Variants in NKAIN2 observed in about 807,000 individuals in gnomAD.
NKAIN2 encodes the protein sodium/potassium transporting ATPase interacting 2, also known as sodium/potassium-transporting ATPase subunit beta-1-interacting protein 2.
In NKAIN2, 14 loss-of-function variants were observed where a neutral mutation model predicts 32.6. The ratio of observed to expected loss-of-function variants is 0.43; its 90% CI spans 0.28 to 0.67. NKAIN2 has a LOEUF of 0.67. Among genes scored for constraint, NKAIN2 ranks in the 30% least tolerant of loss-of-function variants. The pLI is 0.17. For missense variants in NKAIN2, 198 were observed against 258.3 expected, an observed-to-expected ratio of 0.77 and a Z score of 1.60; for synonymous variants, 80 against 87.2, an observed-to-expected ratio of 0.92 and a Z score of 0.46.
intron 1 of NKAIN2, among the ~76,000 whole-genome samples, chr6:123,971,539 A>G (rs1382127615): frequency 1.3e-5 from 2 of 152,098 alleles, no homozygotes; most frequent in African/African-American, 2.4e-5. Flanking sequence ...ACTTTGTGTC[A>G]GTTTGGATGG....
intron 1 of NKAIN2, among the ~76,000 whole-genome samples, chr6:123,926,280 C>T (rs1441167666): frequency 6.6e-6 from 1 of 152,218 alleles, no homozygotes; most frequent in Non-Finnish European, 1.5e-5. Context: ...GAATCACCAG[C>T]TCCAAGTCTT....
chr6:124,572,392 G>A lies in NKAIN2; in HGVS notation c.274-85794G>A, dbSNP rs528598287. ...ATCATACTAAATGTACTAAATTATCGTGAGAAGAAATATAATGAACCATAA... is the reference window on the plus strand; with the variant it reads ...ATCATACTAAATGTACTAAATTATCATGAGAAGAAATATAATGAACCATAA... On this transcript the variant is annotated intron_variant, in intron 3 of 6. Coordinates refer to ENST00000368417, the MANE Select transcript of NKAIN2 (RefSeq NM_001040214.3). Among the ~76,000 whole-genome samples, 22 of 152,252 alleles carry A rather than the reference G, an allele frequency of 1.4e-4. No individual in the cohort carries two copies. In the South Asian group the frequency reaches 2.5e-3, roughly 17 times the overall value.
At chr6:124,718,706 C>T (rs1163078779) in intron 4 of NKAIN2, among the ~76,000 whole-genome samples, 1 of 152,172 alleles carries the variant, frequency 6.6e-6, no homozygotes, top group Non-Finnish European at 1.5e-5. Context: ...CTTAACTTCT[C>T]TGAGCCTCGG....
intron 1 of NKAIN2, among the ~76,000 whole-genome samples, chr6:123,926,123 C>T (rs1215059623): frequency 6.6e-6 from 1 of 152,140 alleles, no homozygotes; most frequent in Non-Finnish European, 1.5e-5. Context: ...TCTCAGAAGC[C>T]AACAGCCTAA....
chr6:123,865,485 T>C (rs1775945988), intron 1 of NKAIN2, among the ~76,000 whole-genome samples: 1 of 152,152 alleles, frequency 6.6e-6, no homozygotes, highest in African/African-American at 2.4e-5. Context: ...TTATTTCTCA[T>C]AATCCTCCTT....
chr6:124,652,894 G>A (rs1487378664), intron 3 of NKAIN2, among the ~76,000 whole-genome samples: 2 of 152,148 alleles, frequency 1.3e-5, no homozygotes, highest in Admixed American at 6.6e-5. Flanking sequence ...CAACACTATT[G>A]CTTTGGGGGA....
intron 3 of NKAIN2, among the ~76,000 whole-genome samples, chr6:124,494,144 G>C (rs1336767): frequency 6.6e-6 from 1 of 151,938 alleles, no homozygotes; most frequent in East Asian, 1.9e-4. Context: ...AAAATGAATC[G>C]TATTGCATGG....
chr6:124,319,723 A>G (rs1245761946), intron 2 of NKAIN2, among the ~76,000 whole-genome samples: 2 of 152,092 alleles, frequency 1.3e-5, no homozygotes, highest in South Asian at 2.1e-4. Flanking sequence ...CTTTAATTTC[A>G]TTGAATTTGT....
chr6:124,663,303 C>T (rs1466959707), intron 4 of NKAIN2, among the ~76,000 whole-genome samples: 1 of 151,894 alleles, frequency 6.6e-6, no homozygotes, highest in East Asian at 1.9e-4. Context: ...TGGTGGTGCA[C>T]ACCTGTAATC....
chr6:124,216,404 G>A (rs891852660), intron 1 of NKAIN2, among the ~76,000 whole-genome samples: 2 of 152,044 alleles, frequency 1.3e-5, no homozygotes, highest in East Asian at 1.9e-4. Context: ...CAATATTCAC[G>A]GCACTTTTGC....
Position 124,422,768 on chromosome 6 carries a change from G to A in NKAIN2, c.273+67421G>A, listed in dbSNP as rs556570031. Among the ~76,000 whole-genome samples the A allele has an allele frequency of 5.9e-5, 9 of 152,320 alleles. No homozygotes were observed. In the South Asian group the frequency reaches 1.7e-3, roughly 28 times the overall value. On this transcript the variant is annotated intron_variant, in intron 3 of 6. Transcript: ENST00000368417. ...GGTTAGAATTGCATTGAGCCAAGAT[G>A]CAGCAGTGCTGTGCTGAAGTTGTTT...
intron 3 of NKAIN2, among the ~76,000 whole-genome samples, chr6:124,394,013 A>G (rs1773253661): frequency 6.6e-6 from 1 of 152,182 alleles, no homozygotes; most frequent in Non-Finnish European, 1.5e-5. Flanking sequence ...TTTAAAGTCT[A>G]TGATGTCACC....
chr6:124,508,055 C>T (rs1234797696), intron 3 of NKAIN2, among the ~76,000 whole-genome samples: 1 of 149,954 alleles, frequency 6.7e-6, no homozygotes, highest in African/African-American at 2.5e-5. Flanking sequence ...GAGTTTGAGA[C>T]CAGCCTGGGC....
chr6:123,821,226 C>A (rs1381527006), intron 1 of NKAIN2, among the ~76,000 whole-genome samples: 1 of 152,176 alleles, frequency 6.6e-6, no homozygotes, highest in Non-Finnish European at 1.5e-5. Context: ...ATATTTACAT[C>A]ATTTTTCTTG....
At chr6:124,794,555 GAC>G (rs1334045450) in intron 5 of NKAIN2, among the ~76,000 whole-genome samples, 1 of 152,120 alleles carries the variant, frequency 6.6e-6, no homozygotes, top group African/African-American at 2.4e-5. Context: ...ACTTCTCAAA[GAC>G]ACGTTTTATC....
At chr6:124,760,752 G>A (rs1369620475) in intron 4 of NKAIN2, among the ~76,000 whole-genome samples, 1 of 152,050 alleles carries the variant, frequency 6.6e-6, no homozygotes, top group African/African-American at 2.4e-5. Context: ...GCTGTTTGAG[G>A]CTGTCTGTCC....
At position 124,540,087 on chromosome 6, in the gene NKAIN2, G is replaced by A. The variant is rs577835491; in HGVS notation, c.274-118099G>A. Among the ~76,000 whole-genome samples, 5 of 152,320 alleles carry A rather than the reference G, an allele frequency of 3.3e-5. No individual in the cohort carries two copies. The South Asian group carries it at 1.0e-3, about 32-fold the overall frequency. On this transcript the variant is annotated intron_variant, in intron 3 of 6. Coordinates refer to ENST00000368417, the MANE Select transcript of NKAIN2 (RefSeq NM_001040214.3). ...TTAAATATGCTTAGTGTCTTCTGTA[G>A]CAGAAAGGATGTGGATTTTACATTT...
At position 124,427,102 on chromosome 6, in the gene NKAIN2, TAA is replaced by T. The variant is rs940516547; in HGVS notation, c.273+71758_273+71759del. On this transcript the variant is annotated intron_variant, in intron 3 of 6. Transcript: ENST00000368417. Reference sequence around the variant, plus strand: ...CATTTTGGAAAGCAATTCATTTCTTTAAAAGTTAAATATGCACTTATGTTATA... The same window carrying T: ...CATTTTGGAAAGCAATTCATTTCTTTAAGTTAAATATGCACTTATGTTATA... 8.5e-5 allele frequency among the ~76,000 whole-genome samples: 13 copies of T among 152,334 alleles called. No homozygotes were observed. In the South Asian group the frequency reaches 1.2e-3, roughly 15 times the overall value.
intron 3 of NKAIN2, among the ~76,000 whole-genome samples, chr6:124,369,848 T>C (rs953633333): frequency 6.7e-6 from 1 of 149,878 alleles, no homozygotes; most frequent in African/African-American, 2.5e-5. Flanking sequence ...AGATTGGCAG[T>C]TGACAAATTT....
Sources: allele counts gnomAD v4.1 joint callset (sites outside exome capture counted in the v4.1 genomes callset), GRCh38; gene constraint gnomAD v4.1.1; transcripts MANE v1.5; gene names NCBI Gene and HGNC (gene_info 2026-07-23, HGNC 2026-07-21).